Variants in PTPRG observed in about 807,000 individuals in gnomAD.
PTPRG encodes the protein protein tyrosine phosphatase receptor type G, also known as receptor-type tyrosine-protein phosphatase gamma.
Under a neutral mutation model 165.3 loss-of-function variants are expected in PTPRG, and 102 were observed. The observed-to-expected ratio is 0.62, with a 90% CI of 0.53 to 0.73. PTPRG has a LOEUF of 0.73. Ranked by LOEUF, PTPRG falls within the 30% of genes least tolerant of loss-of-function variation. The pLI, the probability that PTPRG is intolerant of heterozygous loss-of-function variation, is 0.00. For missense variants in PTPRG, 1,866 were observed against 1,861.4 expected (o/e 1.00, Z -0.05); for synonymous variants, 675 against 669.5 (o/e 1.01, Z -0.13).
intron 4 of PTPRG, among the ~76,000 whole-genome samples, chr3:62,058,942 A>C (rs1700718292): frequency 6.6e-6 from 1 of 152,130 alleles, no homozygotes; most frequent in Admixed American, 6.5e-5. Context: ...GTCACACCAG[A>C]AGGAGATGGG....
At chr3:61,897,796 T>C (rs775188426) in intron 2 of PTPRG, among the ~76,000 whole-genome samples, 9 of 152,220 alleles carry the variant, frequency 5.9e-5, no homozygotes, top group Non-Finnish European at 1.2e-4. Context: ...ATGTTTTGTG[T>C]ATACCTACAT....
chr3:61,962,310 C>A (rs1266121747), intron 2 of PTPRG, among the ~76,000 whole-genome samples: 1 of 152,112 alleles, frequency 6.6e-6, no homozygotes, highest in Non-Finnish European at 1.5e-5. Context: ...ATCAATTTTT[C>A]TTAATTATGC....
chr3:61,676,471 A>AAAAAAAAAAAAAAAAAAAAAAAAAAT lies in PTPRG; in HGVS notation c.86-72404_86-72403insAAAAAAAAAAAAAAAAAAAAAATAAA, dbSNP rs369505317. Reference sequence around the variant, plus strand: ...GACTCCATCTCAAAAAAAAAAAAAAAAAAGAAAATTACTAAAGTCTGTGAA... The same window carrying AAAAAAAAAAAAAAAAAAAAAAAAAAT: ...GACTCCATCTCAAAAAAAAAAAAAAAAAAAAAAAAAAAAAAAAAAAAAAAATAAAGAAAATTACTAAAGTCTGTGAA... On this transcript the variant is annotated intron_variant, in intron 1 of 29. Coordinates refer to ENST00000474889, the MANE Select transcript of PTPRG (RefSeq NM_002841.4). Among the ~76,000 whole-genome samples the AAAAAAAAAAAAAAAAAAAAAAAAAAT allele has an allele frequency of 2.0e-5, 2 of 99,022 alleles. 1 individual carries two copies. Among genetic ancestry groups the AAAAAAAAAAAAAAAAAAAAAAAAAAT allele is most frequent in the Non-Finnish European group, 4.6e-5 (2 of 43,344 alleles). The allele number at this position is 99,022 out of a possible 152,430, so 65.0% of individuals were successfully genotyped here. A position where few individuals can be genotyped will look rare whatever the true frequency, so the allele number is the denominator to read the frequency against.
At chr3:62,292,947 CCAAGCTAA>C (rs1449511807) in intron 29 of PTPRG, among the ~76,000 whole-genome samples, 1 of 152,048 alleles carries the variant, frequency 6.6e-6, no homozygotes, top group African/African-American at 2.4e-5. Flanking sequence ...AGAATTGGTT[CCAAGCTAA>C]CAGAGATCAA....
intron 12 of PTPRG, among the ~76,000 whole-genome samples, chr3:62,208,100 A>G (rs1007260184): frequency 1.3e-5 from 2 of 152,198 alleles, no homozygotes; most frequent in Non-Finnish European, 1.5e-5. Context: ...CGGGTGGTCA[A>G]CCTCTACTGT....
chr3:62,267,846 A>C (rs769369137), intron 19 of PTPRG, 27 bp downstream of exon 19: 2 of 1,605,442 alleles, frequency 1.2e-6, no homozygotes, highest in South Asian at 2.2e-5. Context: ...TCACTATCTT[A>C]ATAATGCACC....
rs906427784 is a variant in PTPRG at position 61,598,157 on chromosome 3, C to A, written c.85+35785C>A. Among the ~76,000 whole-genome samples, 9 of 152,298 alleles carry A rather than the reference C, an allele frequency of 5.9e-5. No individual in the cohort carries two copies. In the South Asian group the frequency reaches 1.5e-3, roughly 25 times the overall value. ...CCTTTTTGCCAACACCATCTTGATT[C>A]TTCTTGTATGGACTGCTTGAGCCAA... On this transcript the variant is annotated intron_variant, in intron 1 of 29. Coordinates refer to ENST00000474889, the MANE Select transcript of PTPRG (RefSeq NM_002841.4).
intron 2 of PTPRG, among the ~76,000 whole-genome samples, chr3:61,840,904 C>T (rs1459159632): frequency 6.6e-6 from 1 of 151,746 alleles, no homozygotes; most frequent in East Asian, 1.9e-4. Flanking sequence ...GCCTCAGCCT[C>T]CCGAGTAGCT....
chr3:62,256,728 C>G (rs1311684403), intron 16 of PTPRG, among the ~76,000 whole-genome samples: 1 of 152,148 alleles, frequency 6.6e-6, no homozygotes, highest in East Asian at 1.9e-4. Context: ...TCAGGATGAT[C>G]AAATGCAACT....
chr3:61,752,234 A>G (rs1216731677), intron 2 of PTPRG, among the ~76,000 whole-genome samples: 1 of 152,140 alleles, frequency 6.6e-6, no homozygotes, highest in Non-Finnish European at 1.5e-5. Context: ...CATGAGGGTT[A>G]AGCAGACTAT....
intron 2 of PTPRG, among the ~76,000 whole-genome samples, chr3:61,976,837 G>A (rs968163741): frequency 3.3e-5 from 5 of 151,782 alleles, no homozygotes; most frequent in Non-Finnish European, 7.4e-5. Flanking sequence ...CATCATGCCT[G>A]GCTAATTTTT....
intron 1 of PTPRG, among the ~76,000 whole-genome samples, chr3:61,746,031 C>T (rs7610209): frequency 0.28 from 40,135 of 144,362 alleles, 6,044 homozygotes; most frequent in East Asian, 0.67. Flanking sequence ...TTTTATTAAA[C>T]TTTCTTTCTT....
chr3:61,579,295 C>T (rs1287361916), intron 1 of PTPRG, among the ~76,000 whole-genome samples: 1 of 152,188 alleles, frequency 6.6e-6, no homozygotes, highest in African/African-American at 2.4e-5. Flanking sequence ...CGTGTCCCTT[C>T]ATGGGGTCTG....
At chr3:61,926,609 C>CTCCTTCCTTCCTTCCT (rs1190200426) in intron 2 of PTPRG, among the ~76,000 whole-genome samples, 15 of 94,834 alleles carry the variant, frequency 1.6e-4, no homozygotes, top group African/African-American at 5.9e-4. Context: ...CCCTCCCTCC[C>CTCCTTCCTTCCTTCCT]TCCTTCCTTC....
chr3:62,045,700 A>T (rs1043052452), intron 4 of PTPRG, among the ~76,000 whole-genome samples: 2 of 152,240 alleles, frequency 1.3e-5, no homozygotes, highest in African/African-American at 4.8e-5. Context: ...CTTGAATAAA[A>T]TGTGTTAGGT....
chr3:62,013,011 A>G (rs1229768647), intron 4 of PTPRG, among the ~76,000 whole-genome samples: 2 of 152,320 alleles, frequency 1.3e-5, no homozygotes, highest in East Asian at 3.9e-4. Context: ...TGTCACTTTA[A>G]ATTTTCAGAA....
chr3:61,775,190 T>C (rs1026481256), intron 2 of PTPRG, among the ~76,000 whole-genome samples: 1 of 152,002 alleles, frequency 6.6e-6, no homozygotes, highest in Admixed American at 6.6e-5. Flanking sequence ...CCTGCCTTGC[T>C]CTCCTGAGCA....
chr3:62,267,838 A>C lies in PTPRG; in HGVS notation c.2874+19A>C, dbSNP rs1267627285. ...AGGAAGAGTAAGAGCCTTTTGACTC[A>C]CTATCTTAATAATGCACCTTCATTC... On this transcript the variant is annotated intron_variant, in intron 19 of 29. Coordinates refer to ENST00000474889, the MANE Select transcript of PTPRG (RefSeq NM_002841.4). 6.2e-7 allele frequency: 1 copy of C among 1,609,550 alleles called. No homozygotes were observed. The highest frequency in any genetic ancestry group is 8.5e-7 in the Non-Finnish European group (1 of 1,178,120).
intron 2 of PTPRG, among the ~76,000 whole-genome samples, chr3:61,846,086 G>T (rs918426323): frequency 4.6e-5 from 7 of 152,132 alleles, no homozygotes; most frequent in African/African-American, 1.7e-4. Flanking sequence ...ATTAAATAGG[G>T]ATAATAATAG....
Sources: gnomAD v4.1 joint callset for allele counts (sites outside exome capture counted in the v4.1 genomes callset) on GRCh38, gnomAD v4.1.1 for gene constraint, MANE v1.5 for transcripts, NCBI Gene and HGNC (gene_info 2026-07-23, HGNC 2026-07-21) for gene names.